The following FAM193A variants were observed in gnomAD, a reference collection of about 807,000 sequenced individuals.
The protein encoded by FAM193A is family with sequence similarity 193 member A, also known as protein FAM193A.
In FAM193A, 22 loss-of-function variants were observed where a neutral mutation model predicts 126.5. The ratio of observed to expected loss-of-function variants is 0.17; its 90% CI spans 0.12 to 0.25. FAM193A has a LOEUF of 0.25. FAM193A is among the 10% of genes least tolerant of loss of function. The probability of loss-of-function intolerance (pLI) is 1.00; values close to 1 mark genes in which losing one functional copy is unlikely to be tolerated. For missense variants in FAM193A, 1,675 were observed against 1,672.8 expected, an observed-to-expected ratio of 1.00 and a Z score of -0.02; for synonymous variants, 761 against 646.8, an observed-to-expected ratio of 1.18 and a Z score of -2.68.
chr4:2,640,739 C>A (rs1325404601), intron 6 of FAM193A, among the ~76,000 whole-genome samples: 2 of 152,058 alleles, frequency 1.3e-5, no homozygotes, highest in Non-Finnish European at 2.9e-5. Flanking sequence ...CTTAAGCAGG[C>A]GGATCACCTG....
intron 1 of FAM193A, among the ~76,000 whole-genome samples, chr4:2,589,613 A>G (rs1399685760): frequency 6.6e-6 from 1 of 152,212 alleles, no homozygotes; most frequent in Non-Finnish European, 1.5e-5. Flanking sequence ...ACTTAAGGTA[A>G]TTTTGTGCCT....
At chr4:2,710,285 C>T (rs1196140014) in intron 19 of FAM193A, among the ~76,000 whole-genome samples, 1 of 149,650 alleles carries the variant, frequency 6.7e-6, no homozygotes, top group East Asian at 2.0e-4. Context: ...AGCTATTCTC[C>T]TGCCTCAGCC....
At chr4:2,731,578 A>G (rs182298566) in intron 20 of FAM193A, among the ~76,000 whole-genome samples, 197 bp from the exon 21 acceptor site, 6 of 151,766 alleles carry the variant, frequency 4.0e-5, no homozygotes, top group African/African-American at 1.5e-4. Context: ...CCTCCTCCCG[A>G]GTCCTTTCCC....
At chr4:2,647,889 T>C (rs1028105367) in intron 7 of FAM193A, among the ~76,000 whole-genome samples, 1 of 152,218 alleles carries the variant, frequency 6.6e-6, no homozygotes, top group African/African-American at 2.4e-5. Flanking sequence ...ATGTCTGCCC[T>C]GGCATGGTGA....
chr4:2,603,530 C>T (rs1161313923), intron 2 of FAM193A, among the ~76,000 whole-genome samples: 1 of 146,608 alleles, frequency 6.8e-6, no homozygotes, highest in Non-Finnish European at 1.5e-5. Flanking sequence ...GATCTCGGCT[C>T]ACTGCAAGCT....
In FAM193A at chr4:2,536,843, CTCCCCGCCT is replaced by C. The variant is rs1212551160; in HGVS notation, c.-64_-56del. On this transcript the variant is annotated 5_prime_UTR_variant, in exon 1 of 21. Transcript: ENST00000637812. ...CGCCCGCCGCCGCGGCCGCCTCAGC[CTCCCCGCCT>C]TCCCCGCCCTCCGCCGCCGCCCGCG... 32 of 147,642 alleles carry C rather than the reference CTCCCCGCCT, an allele frequency of 2.2e-4. 1 individual carries two copies. In the South Asian group the frequency reaches 3.2e-3, roughly 15 times the overall value. 9.1% of individuals were successfully genotyped at this position (147,642 alleles called of 1,614,324 possible).
chr4:2,575,584 A>T (rs1322561975), intron 1 of FAM193A, among the ~76,000 whole-genome samples: 2 of 147,580 alleles, frequency 1.4e-5, no homozygotes, highest in African/African-American at 2.5e-5. Flanking sequence ...CTCCTGCCTT[A>T]GCCTCCTGAG....
At chr4:2,633,506 A>G (rs989300880) in intron 5 of FAM193A, among the ~76,000 whole-genome samples, 5 of 152,176 alleles carry the variant, frequency 3.3e-5, no homozygotes, top group African/African-American at 9.6e-5. Context: ...TCCTTTACAC[A>G]TAGAAATACC....
chr4:2,563,750 A>G (rs1046578425), intron 1 of FAM193A, among the ~76,000 whole-genome samples: 2 of 152,168 alleles, frequency 1.3e-5, no homozygotes, highest in Admixed American at 6.5e-5. Context: ...TGAAATCTGG[A>G]TTTACATCCA....
At chr4:2,556,458 C>T (rs1355300419) in intron 1 of FAM193A, among the ~76,000 whole-genome samples, 1 of 152,112 alleles carries the variant, frequency 6.6e-6, no homozygotes, top group East Asian at 1.9e-4. Context: ...CCTGCCTTGG[C>T]CTCCCAAAGT....
intron 20 of FAM193A, among the ~76,000 whole-genome samples, chr4:2,724,190 T>C (rs1444591085): frequency 2.0e-5 from 3 of 152,234 alleles, no homozygotes; most frequent in African/African-American, 7.2e-5. Context: ...CTAATTTCAA[T>C]CAGCTTTGAC....
At chr4:2,565,254 CT>C (rs71644338) in intron 1 of FAM193A, among the ~76,000 whole-genome samples, 5 of 50,700 alleles carry the variant, frequency 9.9e-5, no homozygotes, top group Non-Finnish European at 1.3e-4. Flanking sequence ...ATAGAGTAGC[CT>C]TTTTTTTTTT....
chr4:2,652,147 G>T (rs1199170119), intron 7 of FAM193A, among the ~76,000 whole-genome samples: 1 of 152,172 alleles, frequency 6.6e-6, no homozygotes, highest in East Asian at 1.9e-4. Context: ...TACCCTTCAT[G>T]GGAGGCACTT....
chr4:2,537,495 C>T (rs1437352401), intron 1 of FAM193A, among the ~76,000 whole-genome samples: 2 of 152,252 alleles, frequency 1.3e-5, no homozygotes, highest in Non-Finnish European at 2.9e-5. Flanking sequence ...GGGGACGTCT[C>T]CGGGGTGCAG....
rs139570363 is a variant in FAM193A at position 2,674,497 on chromosome 4, G to C, written c.2331+2125G>C. 2.1e-3 allele frequency among the ~76,000 whole-genome samples: 313 copies of C among 152,306 alleles called. 1 individual carries two copies. The highest frequency in any genetic ancestry group is 7.1e-3 in the African/African-American group (294 of 41,572). ...AAGTTCTGAATGTAGGGAGCAGAAGGTGGGTGCTGAACGTGGAGGGGGCCT... is the reference window on the plus strand; with the variant it reads ...AAGTTCTGAATGTAGGGAGCAGAAGCTGGGTGCTGAACGTGGAGGGGGCCT... On this transcript the variant is annotated intron_variant, in intron 13 of 20. Coordinates refer to ENST00000637812, the MANE Select transcript of FAM193A (RefSeq NM_001366318.2).
intron 1 of FAM193A, among the ~76,000 whole-genome samples, chr4:2,590,276 C>A (rs887006726): frequency 6.6e-6 from 1 of 151,104 alleles, no homozygotes; most frequent in African/African-American, 2.4e-5. Flanking sequence ...TCGAGACCAT[C>A]CTGGCCAACG....
intron 6 of FAM193A, among the ~76,000 whole-genome samples, chr4:2,641,090 G>T (rs989855149): frequency 3.3e-5 from 5 of 151,630 alleles, no homozygotes; most frequent in South Asian, 2.1e-4. Context: ...ACCCAGGCTG[G>T]AGTGCAGTGG....
At chr4:2,720,227 G>A (rs575282432) in intron 20 of FAM193A, among the ~76,000 whole-genome samples, 81 of 152,204 alleles carry the variant, frequency 5.3e-4, no homozygotes, top group African/African-American at 2.0e-3. Flanking sequence ...TAATTCCTAG[G>A]CTAAAGGAGT....
At chr4:2,705,462 T>G (rs1467835663) in intron 19 of FAM193A, among the ~76,000 whole-genome samples, 2 of 124,416 alleles carry the variant, frequency 1.6e-5, no homozygotes, top group East Asian at 4.7e-4. Context: ...TTTGTGTAGT[T>G]TCTTTTTTTT....
Sources: allele counts gnomAD v4.1 joint callset (sites outside exome capture counted in the v4.1 genomes callset), GRCh38; gene constraint gnomAD v4.1.1; transcripts MANE v1.5; gene names NCBI Gene and HGNC (gene_info 2026-07-23, HGNC 2026-07-21).